FGF12: variants seen among roughly 807,000 people sequenced by gnomAD.
The protein encoded by FGF12 is fibroblast growth factor 12B.
Under a neutral mutation model 23.6 loss-of-function variants are expected in FGF12, and 14 were observed. That is an observed-to-expected ratio of 0.59 (90% CI 0.39 to 0.93). The LOEUF (loss-of-function observed/expected upper bound fraction) is 0.93, where lower values mean the gene tolerates loss of function less well. Among genes scored for constraint, FGF12 ranks in the 40% least tolerant of loss-of-function variants. The probability of loss-of-function intolerance (pLI) is 0.00; values close to 1 mark genes in which losing one functional copy is unlikely to be tolerated. For missense variants in FGF12, 175 were observed against 217.8 expected (o/e 0.80, Z 1.24); for synonymous variants, 62 against 77.3 (o/e 0.80, Z 1.04).
At chr3:192,271,062 C>T (rs1295261870) in intron 4 of FGF12, among the ~76,000 whole-genome samples, 1 of 152,162 alleles carries the variant, frequency 6.6e-6, no homozygotes, top group African/African-American at 2.4e-5. Context: ...ATCAATTAGA[C>T]ATTGCCAAAG....
At chr3:192,300,088 C>G (rs536087827) in intron 4 of FGF12, among the ~76,000 whole-genome samples, 4 of 152,282 alleles carry the variant, frequency 2.6e-5, no homozygotes, top group African/African-American at 9.6e-5. Context: ...TCTGGCAAAA[C>G]ATAGGGGAGC....
At chr3:192,577,030 G>T (rs1293369098) in intron 2 of FGF12, among the ~76,000 whole-genome samples, 1 of 152,120 alleles carries the variant, frequency 6.6e-6, no homozygotes, top group Non-Finnish European at 1.5e-5. Flanking sequence ...CACAGGGAGG[G>T]AACATCACAC....
At chr3:192,354,340 A>T (rs1315740525) in intron 3 of FGF12, among the ~76,000 whole-genome samples, 5 of 152,198 alleles carry the variant, frequency 3.3e-5, no homozygotes, top group Admixed American at 6.5e-5. Flanking sequence ...TACGTTACAA[A>T]AAACAAAACA....
intron 2 of FGF12, among the ~76,000 whole-genome samples, chr3:192,380,127 T>G (rs1387878104): frequency 1.9e-4 from 29 of 152,204 alleles, no homozygotes; most frequent in Admixed American, 1.8e-3. Context: ...GATCCAACTT[T>G]AGGCAGTAAT....
chr3:192,429,447 C>T lies in FGF12; in HGVS notation c.14-68909G>A, dbSNP rs115389078. On this transcript the variant is annotated intron_variant, in intron 2 of 5. Coordinates refer to ENST00000445105, the MANE Select transcript of FGF12 (RefSeq NM_004113.6). ...CTCCAACATTTTTCTCTTATTTCTCCTTGTCTTCCTTTATGTGCTCCTCCT... is the reference window on the plus strand; with the variant it reads ...CTCCAACATTTTTCTCTTATTTCTCTTTGTCTTCCTTTATGTGCTCCTCCT... Among the ~76,000 whole-genome samples, 803 of 152,198 alleles carry T rather than the reference C, an allele frequency of 5.3e-3. 5 individuals are homozygous for T. The highest frequency in any genetic ancestry group is 0.01 in the East Asian group (52 of 5,184).
At chr3:192,330,301 G>A (rs1717040560) in intron 4 of FGF12, among the ~76,000 whole-genome samples, 1 of 152,206 alleles carries the variant, frequency 6.6e-6, no homozygotes, top group South Asian at 2.1e-4. Context: ...AAATAAAGCT[G>A]TAGGTCGCAC....
chr3:192,512,420 GT>G (rs1256284797), intron 2 of FGF12, among the ~76,000 whole-genome samples: 1 of 152,062 alleles, frequency 6.6e-6, no homozygotes, highest in Non-Finnish European at 1.5e-5. Context: ...AGCACATGGT[GT>G]ATAGTAGGCT....
At chr3:192,204,936 A>C (rs1019103349) in intron 4 of FGF12, among the ~76,000 whole-genome samples, 4 of 151,964 alleles carry the variant, frequency 2.6e-5, no homozygotes, top group Non-Finnish European at 4.4e-5. Context: ...GAAAGAAAAA[A>C]TTTGCACTCC....
At chr3:192,689,195 A>G (rs1288002606) in intron 2 of FGF12, among the ~76,000 whole-genome samples, 1 of 152,212 alleles carries the variant, frequency 6.6e-6, no homozygotes, top group Non-Finnish European at 1.5e-5. Context: ...ACAGGTAACA[A>G]CAATGTATTA....
intron 2 of FGF12, among the ~76,000 whole-genome samples, chr3:192,543,551 T>C (rs1339327852): frequency 6.6e-6 from 1 of 152,050 alleles, no homozygotes; most frequent in East Asian, 1.9e-4. Flanking sequence ...CCCTTTACTC[T>C]TCCCTCCCCT....
intron 4 of FGF12, among the ~76,000 whole-genome samples, chr3:192,285,904 A>G (rs1261305203): frequency 6.6e-6 from 1 of 152,056 alleles, no homozygotes; most frequent in East Asian, 1.9e-4. Context: ...GCATATTTAC[A>G]ATGTGCTGGA....
chr3:192,539,600 T>C (rs1332962212), intron 2 of FGF12, among the ~76,000 whole-genome samples: 2 of 152,152 alleles, frequency 1.3e-5, no homozygotes, highest in African/African-American at 2.4e-5. Flanking sequence ...TATTGGCCTA[T>C]AGTTTTCTTT....
At chr3:192,573,357 G>A (rs1052474934) in intron 2 of FGF12, among the ~76,000 whole-genome samples, 84 of 152,092 alleles carry the variant, frequency 5.5e-4, no homozygotes, top group African/African-American at 1.9e-3. Context: ...TTCCTGCAAC[G>A]TTGTTTTTGG....
chr3:192,500,048 A>G (rs944866045), intron 2 of FGF12, among the ~76,000 whole-genome samples: 1 of 152,170 alleles, frequency 6.6e-6, no homozygotes, highest in South Asian at 2.1e-4. Context: ...GAGAAGATCA[A>G]TCAAAACAAA....
rs946073816 is a variant in FGF12 at position 192,408,800 on chromosome 3, G to T, written c.14-48262C>A. The T allele has an allele frequency of 5.1e-6, 5 of 985,800 alleles. No individual in the cohort carries two copies. The African/African-American group carries it at 5.2e-5, about 10-fold the overall frequency. 61.1% of individuals were successfully genotyped at this position (985,800 alleles called of 1,614,324 possible). A position where few individuals can be genotyped will look rare whatever the true frequency, so the allele number is the denominator to read the frequency against. ...TTAGAAAACAAGCCACCAACCGCACGAGAGAAGGAGAGGAAGGCAGCAATT... is the reference window on the plus strand; with the variant it reads ...TTAGAAAACAAGCCACCAACCGCACTAGAGAAGGAGAGGAAGGCAGCAATT... On this transcript the variant is annotated intron_variant, in intron 2 of 5. Transcript: ENST00000445105. This position sits in a 1 kb window ranked among gnomAD's most constrained non-coding sequence, Gnocchi z 7.3.
intron 2 of FGF12, among the ~76,000 whole-genome samples, chr3:192,389,377 A>G (rs963606805): frequency 2.0e-5 from 3 of 152,146 alleles, no homozygotes; most frequent in African/African-American, 4.8e-5. Context: ...ACGACAATAC[A>G]TATTCCGCAA....
chr3:192,497,607 T>C (rs1238217423), intron 2 of FGF12, among the ~76,000 whole-genome samples: 3 of 152,236 alleles, frequency 2.0e-5, no homozygotes, highest in African/African-American at 4.8e-5. Flanking sequence ...ACTGCTCTTC[T>C]TGCCCCTCTT....
intron 2 of FGF12, among the ~76,000 whole-genome samples, chr3:192,663,783 C>T (rs1256350942): frequency 6.6e-6 from 1 of 150,880 alleles, no homozygotes; most frequent in East Asian, 1.9e-4. Context: ...AGAAGAGATG[C>T]TAAAGAAAAA....
intron 2 of FGF12, among the ~76,000 whole-genome samples, chr3:192,520,973 A>G (rs1282140392): frequency 6.6e-6 from 1 of 152,202 alleles, no homozygotes; most frequent in East Asian, 1.9e-4. Flanking sequence ...CTGCTAACCA[A>G]TACTCCTGTG....
Sources: allele counts gnomAD v4.1 joint callset (sites outside exome capture counted in the v4.1 genomes callset), GRCh38; gene constraint gnomAD v4.1.1; non-coding constraint Gnocchi (gnomAD v3.1); transcripts MANE v1.5; gene names NCBI Gene and HGNC (gene_info 2026-07-23, HGNC 2026-07-21).